Variants in FGGY observed in about 807,000 individuals in gnomAD.
FGGY encodes the protein FGGY carbohydrate kinase domain containing.
FGGY carries 72 observed loss-of-function variants against 71.3 expected under a neutral mutation model. The ratio of observed to expected loss-of-function variants is 1.01; its 90% CI spans 0.84 to 1.23. The LOEUF (loss-of-function observed/expected upper bound fraction) is 1.23, where lower values mean the gene tolerates loss of function less well. Among genes scored for constraint, FGGY ranks in the 50% most tolerant of loss-of-function variants. FGGY has a pLI of 0.00. For synonymous variants in FGGY, 251 were observed against 250.3 expected (o/e 1.00, Z -0.02); for missense variants, 668 against 682.3 (o/e 0.98, Z 0.23).
chr1:59,540,340 C>T (rs2095420710), intron 7 of FGGY, among the ~76,000 whole-genome samples: 2 of 152,190 alleles, frequency 1.3e-5, no homozygotes, highest in Admixed American at 1.3e-4. Context: ...CCCCAGTTCC[C>T]ATCAATAATA....
chr1:59,536,390 T>C (rs1362016264), intron 7 of FGGY, among the ~76,000 whole-genome samples: 2 of 152,240 alleles, frequency 1.3e-5, no homozygotes, highest in East Asian at 3.8e-4. Context: ...AGCCGAATTC[T>C]ACCAGAGGTA....
At chr1:59,431,610 C>T (rs2067375224) in intron 5 of FGGY, among the ~76,000 whole-genome samples, 1 of 152,186 alleles carries the variant, frequency 6.6e-6, no homozygotes, top group Non-Finnish European at 1.5e-5. Flanking sequence ...TTGGACTGTG[C>T]TTAACATGAT....
chr1:59,413,155 AT>A (rs2063850961), intron 5 of FGGY, among the ~76,000 whole-genome samples: 1 of 152,162 alleles, frequency 6.6e-6, no homozygotes, highest in Non-Finnish European at 1.5e-5. Flanking sequence ...CCCCAGGGAC[AT>A]TTTAAGTCCT....
intron 6 of FGGY, among the ~76,000 whole-genome samples, chr1:59,497,303 A>G (rs1334512990): frequency 1.3e-5 from 2 of 152,218 alleles, no homozygotes; most frequent in African/African-American, 4.8e-5. Context: ...AAAAACAGCC[A>G]GAGGCTGGAC....
intron 7 of FGGY, among the ~76,000 whole-genome samples, chr1:59,537,915 A>G (rs1239953144): frequency 1.3e-5 from 2 of 152,238 alleles, no homozygotes; most frequent in Non-Finnish European, 2.9e-5. Context: ...CCTAGGCATT[A>G]CCATTCAGAA....
At chr1:59,327,774 G>T (rs995251144) in intron 2 of FGGY, among the ~76,000 whole-genome samples, 2 of 152,182 alleles carry the variant, frequency 1.3e-5, no homozygotes, top group African/African-American at 4.8e-5. Context: ...TCCATGGGCT[G>T]CAGAATGGAT....
rs530024547 is a variant in FGGY at position 59,330,568 on chromosome 1, C to CAA, written c.201+8831_201+8832dup. On this transcript the variant is annotated intron_variant, in intron 2 of 15. Coordinates refer to ENST00000303721, the MANE Select transcript of FGGY (RefSeq NM_018291.5). The stretch of plus-strand genomic sequence containing the variant: ...TGGGCGACAAAGCAAGACTCCATCT[C>CAA]AAAAAAAAAAAAAAGAAAAGAAAAG... 4.7e-4 allele frequency among the ~76,000 whole-genome samples: 57 copies of CAA among 122,352 alleles called. No individual in the cohort carries two copies. In the South Asian group the frequency reaches 5.0e-3, roughly 11 times the overall value. The allele number at this position is 122,352 out of a possible 152,430, so 80.3% of individuals were successfully genotyped here. A position where few individuals can be genotyped will look rare whatever the true frequency, so the allele number is the denominator to read the frequency against.
intron 8 of FGGY, among the ~76,000 whole-genome samples, chr1:59,564,629 T>TTC (rs753196037): frequency 2.9e-4 from 44 of 152,348 alleles, no homozygotes; most frequent in Admixed American, 4.6e-4. Flanking sequence ...CTTACTAGAA[T>TTC]GGCTGAAGTT....
chr1:59,600,634 T>C lies in FGGY; in HGVS notation c.904-7169T>C, dbSNP rs6692920. 4.6e-3 allele frequency among the ~76,000 whole-genome samples: 702 copies of C among 152,294 alleles called. 14 individuals carry two copies. Among genetic ancestry groups the C allele is most frequent in the African/African-American group, 0.016 (661 of 41,560 alleles). ...CCCAGAAAGTTGCAGAATTAAGCCA[T>C]CTGTGGCTTAACATGCCTTGAGAGC... On this transcript the variant is annotated intron_variant, in intron 8 of 15. Transcript: ENST00000303721.
intron 8 of FGGY, among the ~76,000 whole-genome samples, chr1:59,587,643 A>G (rs765028143): frequency 3.2e-4 from 48 of 152,194 alleles, no homozygotes; most frequent in Non-Finnish European, 6.6e-4. Context: ...GTTCACGATA[A>G]TCCCCTGTTC....
intron 9 of FGGY, among the ~76,000 whole-genome samples, chr1:59,613,551 G>A (rs1009645216): frequency 2.0e-5 from 3 of 151,978 alleles, no homozygotes; most frequent in Admixed American, 6.6e-5. Flanking sequence ...AGCAGGAAAG[G>A]TGTAAAATTG....
At chr1:59,520,942 G>C (rs1165147499) in intron 7 of FGGY, among the ~76,000 whole-genome samples, 1 of 152,012 alleles carries the variant, frequency 6.6e-6, no homozygotes, top group Non-Finnish European at 1.5e-5. Flanking sequence ...AGCCAGGCCA[G>C]GCGCTGGCCA....
At chr1:59,620,644 A>G (rs2153834700) in intron 9 of FGGY, among the ~76,000 whole-genome samples, 1 of 152,090 alleles carries the variant, frequency 6.6e-6, no homozygotes, top group South Asian at 2.1e-4. Flanking sequence ...ATTTTAAGTT[A>G]TCTATTGGCA....
In FGGY at chr1:59,393,011, A is replaced by G. The variant is rs182161576; in HGVS notation, c.554+14174A>G. ...GCACTCTTGCCAGGCTTTCTAAACA[A>G]TCTTCAGCTCATTCATCTTCCTGGT... On this transcript the variant is annotated intron_variant, in intron 5 of 15. Coordinates refer to ENST00000303721, the MANE Select transcript of FGGY (RefSeq NM_018291.5). Among the ~76,000 whole-genome samples the G allele has an allele frequency of 6.2e-4, 95 of 152,292 alleles. 2 individuals carry two copies. Among genetic ancestry groups the G allele is most frequent in the African/African-American group, 2.2e-3 (90 of 41,574 alleles).
At chr1:59,620,293 G>A (rs1423531858) in intron 9 of FGGY, among the ~76,000 whole-genome samples, 1 of 151,808 alleles carries the variant, frequency 6.6e-6, no homozygotes, top group Non-Finnish European at 1.5e-5. Context: ...TAAGTCCTAA[G>A]GGTTCCACCT....
At chr1:59,751,650 T>C (rs1223754318) in intron 14 of FGGY, among the ~76,000 whole-genome samples, 1 of 152,256 alleles carries the variant, frequency 6.6e-6, no homozygotes, top group Non-Finnish European at 1.5e-5. Flanking sequence ...ATTTTGTATG[T>C]GCCTATGTAT....
At chr1:59,682,116 A>G (rs746821493) in intron 14 of FGGY, among the ~76,000 whole-genome samples, 2 of 152,186 alleles carry the variant, frequency 1.3e-5, no homozygotes, top group Non-Finnish European at 2.9e-5. Context: ...GACATTTTCT[A>G]TAATATTATA....
intron 6 of FGGY, among the ~76,000 whole-genome samples, chr1:59,479,532 G>T (rs1220700552): frequency 6.6e-6 from 1 of 152,160 alleles, no homozygotes; most frequent in Non-Finnish European, 1.5e-5. Context: ...GTAGGAAGAA[G>T]ACAAAAATGG....
chr1:59,696,903 G>A (rs961329069), intron 14 of FGGY, among the ~76,000 whole-genome samples: 5 of 152,088 alleles, frequency 3.3e-5, no homozygotes, highest in African/African-American at 9.7e-5. Context: ...CCAGAAACGG[G>A]AAGTGCTTTG....
Sources: allele counts gnomAD v4.1 joint callset (sites outside exome capture counted in the v4.1 genomes callset), GRCh38; gene constraint gnomAD v4.1.1; transcripts MANE v1.5; gene names NCBI Gene and HGNC (gene_info 2026-07-23, HGNC 2026-07-21).